The following IL1RAPL1 variants were observed in gnomAD, a reference collection of about 807,000 sequenced individuals.
The protein encoded by IL1RAPL1 is interleukin-1 receptor accessory protein-like 1.
IL1RAPL1 carries 3 observed loss-of-function variants against 48.4 expected under a neutral mutation model. The observed-to-expected ratio is 0.06, with a 90% CI of 0.03 to 0.16. The LOEUF (loss-of-function observed/expected upper bound fraction) is 0.16. Among genes scored for constraint, IL1RAPL1 ranks in the 10% least tolerant of loss-of-function variants. The probability of loss-of-function intolerance (pLI) is 1.00; values close to 1 mark genes in which losing one functional copy is unlikely to be tolerated. For missense variants in IL1RAPL1, 349 were observed against 530.6 expected (o/e 0.66, Z 3.36); for synonymous variants, 185 against 187.7 (o/e 0.99, Z 0.12).
At chrX:29,794,497 G>A (rs1929701432) in intron 6 of IL1RAPL1, among the ~76,000 whole-genome samples, 1 of 107,243 alleles carries the variant, frequency 9.3e-6, no homozygotes, top group Non-Finnish European at 1.9e-5. Context: ...CAGGTGGTAT[G>A]CTAAAATTAA....
At chrX:29,085,333 C>A (rs1294647532) in intron 2 of IL1RAPL1, among the ~76,000 whole-genome samples, 2 of 110,705 alleles carry the variant, frequency 1.8e-5, no homozygotes, top group East Asian at 5.7e-4. Flanking sequence ...ATGGTGATGA[C>A]TGTGATCATG....
chrX:29,405,103 G>A (rs960352847), intron 5 of IL1RAPL1, among the ~76,000 whole-genome samples: 10 of 109,733 alleles, frequency 9.1e-5, no homozygotes, highest in Non-Finnish European at 1.7e-4. Flanking sequence ...TAGTAGAGAC[G>A]GGGTTTCACC....
At chrX:29,329,552 C>T (rs1932867358) in intron 3 of IL1RAPL1, among the ~76,000 whole-genome samples, 1 of 111,396 alleles carries the variant, frequency 9.0e-6, no homozygotes, top group Non-Finnish European at 1.9e-5. Flanking sequence ...GTGGCTCACT[C>T]CTGTAATCCC....
intron 2 of IL1RAPL1, among the ~76,000 whole-genome samples, chrX:28,933,831 A>G (rs1183553909): frequency 8.9e-6 from 1 of 111,792 alleles, no homozygotes; most frequent in East Asian, 2.8e-4. Flanking sequence ...AATTCCTGGA[A>G]CTGAGGGATC....
chrX:29,709,253 C>A (rs1476485069), intron 6 of IL1RAPL1, among the ~76,000 whole-genome samples: 1 of 111,619 alleles, frequency 9.0e-6, no homozygotes, highest in East Asian at 2.8e-4. Context: ...ATGTTTTCTG[C>A]AAGTAGCTTT....
chrX:29,341,316 T>A (rs1933071350), intron 3 of IL1RAPL1, among the ~76,000 whole-genome samples: 1 of 112,249 alleles, frequency 8.9e-6, no homozygotes, highest in Non-Finnish European at 1.9e-5. Context: ...TAGGAGAGAA[T>A]GAAGCGTGCT....
At chrX:29,235,702 G>C (rs1198515317) in intron 2 of IL1RAPL1, among the ~76,000 whole-genome samples, 3 of 112,002 alleles carry the variant, frequency 2.7e-5, no homozygotes, top group Non-Finnish European at 3.8e-5. Context: ...CTTGTTTCTT[G>C]CATTGAACAG....
At chrX:28,850,508 C>G (rs2147296574) in intron 2 of IL1RAPL1, among the ~76,000 whole-genome samples, 1 of 111,200 alleles carries the variant, frequency 9.0e-6, no homozygotes, top group Admixed American at 9.6e-5. Flanking sequence ...CACTGCACTA[C>G]AGTGTAAAGC....
intron 5 of IL1RAPL1, among the ~76,000 whole-genome samples, chrX:29,447,231 T>C (rs1934622922): frequency 9.0e-6 from 1 of 111,181 alleles, no homozygotes; most frequent in Admixed American, 9.6e-5. Flanking sequence ...ACATGCTTTA[T>C]CTTGCCTTTG....
chrX:29,514,050 T>G (rs1271463665), intron 5 of IL1RAPL1, among the ~76,000 whole-genome samples: 2 of 111,611 alleles, frequency 1.8e-5, no homozygotes, highest in Non-Finnish European at 3.8e-5. Context: ...GCATAGGTGA[T>G]GTGCAGGGTT....
chrX:29,883,103 A>G (rs1932063744), intron 6 of IL1RAPL1, among the ~76,000 whole-genome samples: 1 of 112,051 alleles, frequency 8.9e-6, no homozygotes, highest in Non-Finnish European at 1.9e-5. Context: ...TCCTTTCACT[A>G]TAATTTCCTT....
chrX:29,176,742 G>C (rs779396901), intron 2 of IL1RAPL1, among the ~76,000 whole-genome samples: 1 of 110,623 alleles, frequency 9.0e-6, no homozygotes, highest in South Asian at 3.9e-4. Context: ...TGATGAATGG[G>C]TATTAGTTTG....
intron 6 of IL1RAPL1, among the ~76,000 whole-genome samples, chrX:29,723,215 T>C (rs1387237979): frequency 8.9e-6 from 1 of 112,353 alleles, no homozygotes; most frequent in East Asian, 2.8e-4. Context: ...GAGTTATTCC[T>C]GAGAACTTTA....
At chrX:28,659,500 TCTC>T (rs1290185066) in intron 1 of IL1RAPL1, 22 of 478,852 alleles carry the variant, frequency 4.6e-5, no homozygotes, top group South Asian at 1.7e-4. Flanking sequence ...TAACCACCCT[TCTC>T]CTTCGGCTGG....
chrX:29,074,590 T>G (rs1927632050), intron 2 of IL1RAPL1, among the ~76,000 whole-genome samples: 1 of 112,249 alleles, frequency 8.9e-6, no homozygotes, highest in Non-Finnish European at 1.9e-5. Flanking sequence ...TTCTTTAGAC[T>G]TCTTTTCCAT....
chrX:29,136,571 A>C (rs1353678241), intron 2 of IL1RAPL1, among the ~76,000 whole-genome samples: 1 of 111,046 alleles, frequency 9.0e-6, no homozygotes, highest in Non-Finnish European at 1.9e-5. Flanking sequence ...ATTGTAACTC[A>C]TTGCAACTTT....
chrX:28,738,796 G>A (rs1161528158), intron 1 of IL1RAPL1, among the ~76,000 whole-genome samples: 2 of 111,536 alleles, frequency 1.8e-5, no homozygotes, highest in Non-Finnish European at 3.8e-5. Flanking sequence ...CTTGATGGCA[G>A]GAGGCAGCAG....
intron 6 of IL1RAPL1, among the ~76,000 whole-genome samples, chrX:29,900,410 A>G (rs1365352693): frequency 8.9e-6 from 1 of 112,339 alleles, no homozygotes; most frequent in Non-Finnish European, 1.9e-5. Flanking sequence ...TTTAGAGAGG[A>G]TAACTCATTA....
At chrX:29,473,271 G>A (rs192013613) in intron 5 of IL1RAPL1, among the ~76,000 whole-genome samples, 230 of 111,673 alleles carry the variant, frequency 2.1e-3, no homozygotes, top group Non-Finnish European at 3.2e-3. Flanking sequence ...GAGGCCCACC[G>A]TACTCCAGCA....
Sources: gnomAD v4.1 joint callset for allele counts (sites outside exome capture counted in the v4.1 genomes callset) on GRCh38, gnomAD v4.1.1 for gene constraint, MANE v1.5 for transcripts, NCBI Gene and HGNC (gene_info 2026-07-23, HGNC 2026-07-21) for gene names.